Variants in CFH observed in about 807,000 individuals in gnomAD.
CFH encodes the protein complement factor H.
In CFH, 53 loss-of-function variants were observed where a neutral mutation model predicts 147.3. The ratio of observed to expected loss-of-function variants is 0.36; its 90% CI spans 0.29 to 0.45. The LOEUF is 0.45. Among genes scored for constraint, CFH ranks in the 20% least tolerant of loss-of-function variants. The probability of loss-of-function intolerance (pLI) is 1.00; values close to 1 mark genes in which losing one functional copy is unlikely to be tolerated. For synonymous variants in CFH, 536 were observed against 489.4 expected (o/e 1.10, Z -1.26); for missense variants, 1,380 against 1,498.0 (o/e 0.92, Z 1.30).
At chr1:196,656,054 C>G (rs1572992711) in intron 1 of CFH, among the ~76,000 whole-genome samples, 1 of 152,006 alleles carries the variant, frequency 6.6e-6, no homozygotes, top group East Asian at 1.9e-4. Context: ...ACCTGTAATC[C>G]CAACACTTTG....
At chr1:196,744,420 T>C (rs1037305624) in intron 20 of CFH, among the ~76,000 whole-genome samples, 1 of 152,154 alleles carries the variant, frequency 6.6e-6, no homozygotes, top group African/African-American at 2.4e-5. Context: ...CTCCATTCCC[T>C]GTAGGGAAAT....
At chr1:196,657,423 A>G (rs1289790541) in intron 1 of CFH, among the ~76,000 whole-genome samples, 2 of 152,182 alleles carry the variant, frequency 1.3e-5, no homozygotes. Context: ...ATTTGTTTCA[A>G]CTAAACCTGG....
chr1:196,718,043 T>G (rs1668913215), intron 11 of CFH, among the ~76,000 whole-genome samples: 1 of 151,938 alleles, frequency 6.6e-6, no homozygotes, highest in Non-Finnish European at 1.5e-5. Context: ...AGTTTTGAAA[T>G]AGTCACAGCT....
At chr1:196,730,368 T>C (rs1010313486) in intron 15 of CFH, among the ~76,000 whole-genome samples, 2 of 151,880 alleles carry the variant, frequency 1.3e-5, no homozygotes, top group Admixed American at 1.3e-4. Flanking sequence ...TGTCTAATTT[T>C]CACCTAATTT....
intron 1 of CFH, among the ~76,000 whole-genome samples, chr1:196,670,653 A>G (rs1456014601): frequency 6.6e-6 from 1 of 152,132 alleles, no homozygotes. Context: ...AGTCAATTAT[A>G]TCTCTTTTCT....
rs368319704 is a variant in CFH, at chr1:196,740,540, A to C, written c.2783-79A>C. 36 of 1,387,630 alleles carry C rather than the reference A, an allele frequency of 2.6e-5. 1 individual carries two copies. In the East Asian group the frequency reaches 7.9e-4, roughly 30 times the overall value. The allele number at this position is 1,387,630 out of a possible 1,614,324, so 86.0% of individuals were successfully genotyped here. ...CTCCTGTATTGTTTATTTTCAAATA[A>C]AACTACTTAATATTAAAACAGGCAT... On this transcript the variant is annotated intron_variant, in intron 17 of 21. Transcript: ENST00000367429.
chr1:196,668,341 T>A (rs557384102), intron 1 of CFH, among the ~76,000 whole-genome samples: 7 of 152,330 alleles, frequency 4.6e-5, no homozygotes, highest in African/African-American at 1.7e-4. Context: ...TATAGAGTTC[T>A]CTGCTGACTT....
chr1:196,681,101 T>C (rs1004914515), intron 6 of CFH, among the ~76,000 whole-genome samples: 9 of 151,936 alleles, frequency 5.9e-5, no homozygotes, highest in Non-Finnish European at 1.3e-4. Context: ...AAGTATATTA[T>C]TTCCAGAGCC....
intron 2 of CFH, chr1:196,673,521 G>A (rs913846620): frequency 5.4e-6 from 2 of 372,286 alleles, no homozygotes; most frequent in Non-Finnish European, 1.0e-5. Flanking sequence ...ATTTTTAGTA[G>A]AGATGGGGTT....
At chr1:196,737,726 C>G in intron 17 of CFH, 66 bp downstream of exon 17, 6 of 1,340,712 alleles carry the variant, frequency 4.5e-6, no homozygotes, top group South Asian at 2.4e-5. Context: ...CTCTTGTTAT[C>G]AAAGTGAGGG....
rs777824268 is a variant in CFH, at chr1:196,726,504, C to A, written c.1908C>A (p.Leu636=). 6.2e-7 allele frequency: 1 copy of A among 1,612,624 alleles called. No homozygotes were observed. Among genetic ancestry groups the A allele is most frequent in the Non-Finnish European group, 8.5e-7 (1 of 1,178,962 alleles). ...AATCATGTGGTCCACCTCCTGAACT[C>A]CTCAATGGGAATGTTAAGGAAAAAA... The part of the protein sequence containing the change: ...QVQSCGPPPE[L]LNGNVKEKTK... The change falls in exon 13 of 22, where the codon CTC becomes CTA. Residue 636 remains leucine (L), a synonymous_variant. Coordinates refer to ENST00000367429, the MANE Select transcript of CFH (RefSeq NM_000186.4).
chr1:196,685,657 T>C (rs1303557871), intron 7 of CFH, among the ~76,000 whole-genome samples: 1 of 152,112 alleles, frequency 6.6e-6, no homozygotes, highest in African/African-American at 2.4e-5. Flanking sequence ...TCAGACTGTC[T>C]TCTTGTGTTG....
At chr1:196,689,226 C>G (rs1667939952) in intron 7 of CFH, among the ~76,000 whole-genome samples, 194 bp from the exon 8 acceptor site, 1 of 152,090 alleles carries the variant, frequency 6.6e-6, no homozygotes, top group Non-Finnish European at 1.5e-5. Context: ...ATAATTTCAT[C>G]TTCATTAACA....
intron 1 of CFH, among the ~76,000 whole-genome samples, chr1:196,657,138 T>G (rs1056173888): frequency 1.3e-5 from 2 of 152,078 alleles, no homozygotes; most frequent in African/African-American, 4.8e-5. Flanking sequence ...AATTTTTTTC[T>G]TTTCTTTTTT....
At chr1:196,726,129 G>T (rs1411405825) in intron 12 of CFH, among the ~76,000 whole-genome samples, 1 of 152,114 alleles carries the variant, frequency 6.6e-6, no homozygotes, top group African/African-American at 2.4e-5. Flanking sequence ...TTGATCAAAT[G>T]CTTGCCTCAG....
In CFH at chr1:196,667,844, G is replaced by A. The variant is rs763652120; in HGVS notation, c.59-5134G>A. Reference sequence around the variant, plus strand: ...TTATTTTATGTATCTCAATATTATTGGTTTAGTGGCTAACTTAGCAATTAC... The same window carrying A: ...TTATTTTATGTATCTCAATATTATTAGTTTAGTGGCTAACTTAGCAATTAC... On this transcript the variant is annotated intron_variant, in intron 1 of 21. Coordinates refer to ENST00000367429, the MANE Select transcript of CFH (RefSeq NM_000186.4). Among the ~76,000 whole-genome samples, 62 of 151,446 alleles carry A rather than the reference G, an allele frequency of 4.1e-4. 1 individual carries two copies. Among genetic ancestry groups the A allele is most frequent in the Non-Finnish European group, 8.4e-4 (57 of 67,808 alleles).
At chr1:196,669,713 G>A (rs1667213404) in intron 1 of CFH, among the ~76,000 whole-genome samples, 1 of 152,184 alleles carries the variant, frequency 6.6e-6, no homozygotes, top group Non-Finnish European at 1.5e-5. Flanking sequence ...AACCCTCATG[G>A]AGAACCTCTA....
intron 6 of CFH, among the ~76,000 whole-genome samples, chr1:196,681,034 G>T (rs561708694): frequency 2.0e-5 from 3 of 151,792 alleles, no homozygotes; most frequent in Non-Finnish European, 4.4e-5. Context: ...CATGGCATTC[G>T]TAGTTCCTAA....
intron 9 of CFH, among the ~76,000 whole-genome samples, chr1:196,693,537 G>C (rs982970589): frequency 6.6e-6 from 1 of 152,074 alleles, no homozygotes. Flanking sequence ...TGATAACTTG[G>C]AATACTACTA....
Sources: allele counts gnomAD v4.1 joint callset (sites outside exome capture counted in the v4.1 genomes callset), GRCh38; gene constraint gnomAD v4.1.1; transcripts MANE v1.5; gene names NCBI Gene and HGNC (gene_info 2026-07-23, HGNC 2026-07-21).